MLLT10: variants seen among roughly 807,000 people sequenced by gnomAD.
The protein encoded by MLLT10 is MLLT10 histone lysine methyltransferase DOT1L cofactor, also known as protein AF-10.
In MLLT10, 30 loss-of-function variants were observed where a neutral mutation model predicts 129.1. The observed-to-expected ratio is 0.23, with a 90% CI of 0.17 to 0.32. MLLT10 has a LOEUF of 0.32. Among genes scored for constraint, MLLT10 ranks in the 10% least tolerant of loss-of-function variants. MLLT10 has a pLI of 1.00. For missense variants in MLLT10, 1,119 were observed against 1,268.3 expected (o/e 0.88, Z 1.79); for synonymous variants, 490 against 446.4 (o/e 1.10, Z -1.23).
At chr10:21,622,728 G>A (rs2026092) in intron 8 of MLLT10, among the ~76,000 whole-genome samples, 51,328 of 151,950 alleles carry the variant, frequency 0.34, 9,281 homozygotes, top group Middle Eastern at 0.48. Context: ...TATTTTCTAC[G>A]CCAATTAATC....
chr10:21,544,904 G>C (rs542557326), intron 3 of MLLT10, among the ~76,000 whole-genome samples: 19 of 152,336 alleles, frequency 1.2e-4, no homozygotes, highest in African/African-American at 3.1e-4. Flanking sequence ...CCAGGACTTC[G>C]GGAGGCCGAG....
At position 21,602,711 on chromosome 10, in the gene MLLT10, A is replaced by C. The variant is rs146629534; in HGVS notation, c.405+7271A>C. ...TTTCTTCACATAAACATTTAAATGG[A>C]GTTTTTTCCTTTATCTAAACTCTTT... On this transcript the variant is annotated intron_variant, in intron 5 of 22. Coordinates refer to ENST00000307729, the MANE Select transcript of MLLT10 (RefSeq NM_001195626.3). Among the ~76,000 whole-genome samples, 415 of 151,226 alleles carry C rather than the reference A, an allele frequency of 2.7e-3. 2 individuals are homozygous for C. The highest frequency in any genetic ancestry group is 3.8e-3 in the Non-Finnish European group (255 of 67,848).
intron 5 of MLLT10, among the ~76,000 whole-genome samples, chr10:21,606,859 G>A (rs1420369198): frequency 6.6e-6 from 1 of 152,178 alleles, no homozygotes; most frequent in Non-Finnish European, 1.5e-5. Flanking sequence ...TGAGAGAATA[G>A]GCCCCAATTT....
intron 13 of MLLT10, among the ~76,000 whole-genome samples, chr10:21,700,094 C>A (rs913167188): frequency 2.0e-5 from 3 of 147,296 alleles, no homozygotes; most frequent in Admixed American, 2.0e-4. Context: ...TTCACCTACT[C>A]GGTTAAATGT....
At position 21,534,372 on chromosome 10, in the gene MLLT10, C is replaced by G. The variant is rs1020095726; in HGVS notation, c.-149C>G. The G allele has an allele frequency of 2.6e-5, 11 of 426,270 alleles. 1 individual carries two copies. In the South Asian group the frequency reaches 5.1e-4, roughly 20 times the overall value. 26.4% of individuals were successfully genotyped at this position (426,270 alleles called of 1,614,324 possible). A position where few individuals can be genotyped will look rare whatever the true frequency, so the allele number is the denominator to read the frequency against. On this transcript the variant is annotated 5_prime_UTR_variant, in exon 1 of 23. Coordinates refer to ENST00000307729, the MANE Select transcript of MLLT10 (RefSeq NM_001195626.3). ...ATTATGTGTGCCCTCTCCGGGCGCC[C>G]GCGTTAGCGGCCGGGTGGAGGTGGG...
At chr10:21,671,756 G>C (rs983673308) in intron 10 of MLLT10, among the ~76,000 whole-genome samples, 6 of 152,146 alleles carry the variant, frequency 3.9e-5, no homozygotes, top group African/African-American at 1.4e-4. Flanking sequence ...CTGCACTTCA[G>C]CCTGGGTGAC....
At chr10:21,669,708 C>T (rs1179079940) in intron 9 of MLLT10, among the ~76,000 whole-genome samples, 1 of 152,078 alleles carries the variant, frequency 6.6e-6, no homozygotes, top group African/African-American at 2.4e-5. Context: ...TTCATGTAGT[C>T]ATTTTATTCA....
intron 10 of MLLT10, 81 bp downstream of exon 10, chr10:21,670,785 T>C (rs2051314075): frequency 6.9e-7 from 1 of 1,441,350 alleles, no homozygotes; most frequent in African/African-American, 1.4e-5. Context: ...TTGGTTTGTT[T>C]TTGAACTTAT....
intron 13 of MLLT10, among the ~76,000 whole-genome samples, chr10:21,686,810 C>T (rs1285597443): frequency 4.6e-5 from 7 of 152,094 alleles, no homozygotes; most frequent in Admixed American, 4.6e-4. Context: ...GACGAAACCC[C>T]TTGTCTACTA....
chr10:21,721,480 A>G (rs994343130), intron 14 of MLLT10, among the ~76,000 whole-genome samples: 3 of 152,286 alleles, frequency 2.0e-5, no homozygotes, highest in Admixed American at 6.5e-5. Context: ...CTCCTTTAGC[A>G]TGAGCCAAGT....
intron 9 of MLLT10, 65 bp from the exon 10 acceptor site, chr10:21,670,384 C>T (rs2051270686): frequency 1.4e-6 from 2 of 1,451,842 alleles, no homozygotes; most frequent in Non-Finnish European, 9.3e-7. Flanking sequence ...ATGTGGCACC[C>T]ATTGTTTTCT....
chr10:21,670,963 A>G (rs1320191120), intron 10 of MLLT10: 1 of 352,576 alleles, frequency 2.8e-6, no homozygotes, highest in Non-Finnish European at 5.1e-6. Flanking sequence ...TAGATATGGA[A>G]TAATGCTTAA....
At chr10:21,696,621 A>T (rs929441759) in intron 13 of MLLT10, among the ~76,000 whole-genome samples, 1 of 151,944 alleles carries the variant, frequency 6.6e-6, no homozygotes, top group Non-Finnish European at 1.5e-5. Context: ...GTTATTTTAA[A>T]TTTTTTTGCT....
chr10:21,693,800 A>AT (rs1355425145), intron 13 of MLLT10, among the ~76,000 whole-genome samples: 4 of 152,022 alleles, frequency 2.6e-5, no homozygotes, highest in Non-Finnish European at 4.4e-5. Flanking sequence ...TGTAATTTCC[A>AT]TTTTTTAAAT....
chr10:21,581,524 A>G (rs1460603896), intron 3 of MLLT10, among the ~76,000 whole-genome samples: 1 of 152,172 alleles, frequency 6.6e-6, no homozygotes, highest in Non-Finnish European at 1.5e-5. Flanking sequence ...TTTGTACACT[A>G]CTGATAGGGT....
chr10:21,599,860 A>G lies in MLLT10; in HGVS notation c.405+4420A>G, dbSNP rs116180521. 7.9e-3 allele frequency among the ~76,000 whole-genome samples: 1,204 copies of G among 152,296 alleles called. 21 individuals carry two copies. Among genetic ancestry groups the G allele is most frequent in the African/African-American group, 0.028 (1,159 of 41,570 alleles). ...TAAGATTACAGGCATGAGCCACTAT[A>G]TGGGCCCAGCCCCATCTTGTGGCTT... On this transcript the variant is annotated intron_variant, in intron 5 of 22. Coordinates refer to ENST00000307729, the MANE Select transcript of MLLT10 (RefSeq NM_001195626.3).
intron 3 of MLLT10, among the ~76,000 whole-genome samples, chr10:21,549,587 A>G (rs1342784141): frequency 6.6e-6 from 1 of 151,992 alleles, no homozygotes; most frequent in East Asian, 1.9e-4. Flanking sequence ...CATTGTGACT[A>G]CAAAAGAAGT....
intron 3 of MLLT10, among the ~76,000 whole-genome samples, chr10:21,561,385 C>T (rs1196774184): frequency 6.6e-6 from 1 of 152,098 alleles, no homozygotes; most frequent in African/African-American, 2.4e-5. Flanking sequence ...CTCACCCTTC[C>T]GAGTAGCTGG....
chr10:21,555,911 C>G (rs1036526039), intron 3 of MLLT10, among the ~76,000 whole-genome samples: 1 of 151,690 alleles, frequency 6.6e-6, no homozygotes, highest in Non-Finnish European at 1.5e-5. Flanking sequence ...AGGTGATCCA[C>G]CTGCCTCCGT....
Sources: allele counts gnomAD v4.1 joint callset (sites outside exome capture counted in the v4.1 genomes callset), GRCh38; gene constraint gnomAD v4.1.1; transcripts MANE v1.5; gene names NCBI Gene and HGNC (gene_info 2026-07-23, HGNC 2026-07-21).